Variants in DPP6 observed in about 807,000 individuals in gnomAD.
DPP6 encodes A-type potassium channel modulatory protein DPP6.
DPP6 carries 69 observed loss-of-function variants against 122.6 expected under a neutral mutation model. The ratio of observed to expected loss-of-function variants is 0.56; its 90% CI spans 0.46 to 0.69. The LOEUF (loss-of-function observed/expected upper bound fraction) is 0.69. Among genes scored for constraint, DPP6 ranks in the 30% least tolerant of loss-of-function variants. The pLI is 0.00. For synonymous variants in DPP6, 418 were observed against 433.1 expected, an observed-to-expected ratio of 0.97 and a Z score of 0.43; for missense variants, 928 against 1,116.9, an observed-to-expected ratio of 0.83 and a Z score of 2.41.
At chr7:154,144,538 A>G (rs1795998099) in intron 1 of DPP6, among the ~76,000 whole-genome samples, 1 of 151,136 alleles carries the variant, frequency 6.6e-6, no homozygotes, top group Non-Finnish European at 1.5e-5. Context: ...AACTATGACA[A>G]TGCCATTTAC....
chr7:154,787,748 T>G (rs1797423334), intron 10 of DPP6, among the ~76,000 whole-genome samples: 1 of 152,250 alleles, frequency 6.6e-6, no homozygotes, highest in Non-Finnish European at 1.5e-5. Flanking sequence ...GGGTATGGTC[T>G]CTGCCATTAT....
At chr7:154,645,333 G>A (rs371451787) in intron 6 of DPP6, among the ~76,000 whole-genome samples, 1 of 152,062 alleles carries the variant, frequency 6.6e-6, no homozygotes, top group African/African-American at 2.4e-5. Flanking sequence ...CCAAAGTGCT[G>A]GGATTACAGG....
chr7:153,912,667 C>T (rs1333635011), intron 1 of DPP6, among the ~76,000 whole-genome samples: 2 of 152,152 alleles, frequency 1.3e-5, no homozygotes, highest in African/African-American at 2.4e-5. Flanking sequence ...CAATCTTCCT[C>T]ATGTTGAAAT....
At chr7:154,640,661 G>GCC in intron 6 of DPP6, among the ~76,000 whole-genome samples, 1 of 152,320 alleles carries the variant, frequency 6.6e-6, no homozygotes, top group Non-Finnish European at 1.5e-5. Context: ...TCACCGGTGT[G>GCC]CGTGCTCCAC....
chr7:154,677,331 C>T (rs1187039767), intron 7 of DPP6, among the ~76,000 whole-genome samples: 1 of 152,110 alleles, frequency 6.6e-6, no homozygotes, highest in Non-Finnish European at 1.5e-5. Context: ...CTCCCAGAAC[C>T]GTGTCTTGAC....
chr7:154,127,676 CAA>C lies in DPP6; in HGVS notation c.243+74616_243+74617del, dbSNP rs869209129. Among the ~76,000 whole-genome samples, 32 of 147,276 alleles carry C rather than the reference CAA, an allele frequency of 2.2e-4. No homozygotes were observed. In the Middle Eastern group the frequency reaches 0.014, roughly 67 times the overall value. On this transcript the variant is annotated intron_variant, in intron 1 of 25. Transcript: ENST00000377770. ...AGACACACACACACACACACACACA[CAA>C]AACAGCTCTTTCTGAGGTTGGGAAG...
intron 1 of DPP6, among the ~76,000 whole-genome samples, chr7:154,406,424 C>T (rs201102888): frequency 0.012 from 649 of 55,714 alleles, 5 homozygotes; most frequent in African/African-American, 0.027. Flanking sequence ...GATGCACACA[C>T]GCATGCACAC....
rs1461696989 is a variant in DPP6 at position 154,060,465 on chromosome 7, T to C, written c.243+7402T>C. On this transcript the variant is annotated intron_variant, in intron 1 of 25. Coordinates refer to ENST00000377770, the MANE Select transcript of DPP6 (RefSeq NM_130797.4). The stretch of plus-strand genomic sequence containing the variant: ...TGCGAGCCAGACCCTCTTCCCCCTC[T>C]GGCTTAGGACCTCCATCGTTGATCC... 9.1e-3 allele frequency among the ~76,000 whole-genome samples: 1,138 copies of C among 125,690 alleles called. 161 individuals are homozygous for C. The highest frequency in any genetic ancestry group is 0.035 in the African/African-American group (1,030 of 29,626). The allele number at this position is 125,690 out of a possible 152,430, so 82.5% of individuals were successfully genotyped here. A position where few individuals can be genotyped will look rare whatever the true frequency, so the allele number is the denominator to read the frequency against.
intron 1 of DPP6, among the ~76,000 whole-genome samples, chr7:154,089,810 C>T (rs1015052948): frequency 1.1e-4 from 17 of 151,574 alleles, no homozygotes; most frequent in African/African-American, 4.1e-4. Context: ...AGTTACAGAG[C>T]GAGACTTTAA....
intron 1 of DPP6, among the ~76,000 whole-genome samples, chr7:154,269,572 T>C (rs1476043603): frequency 2.0e-5 from 3 of 152,192 alleles, no homozygotes; most frequent in Non-Finnish European, 4.4e-5. Context: ...TATTTGACAA[T>C]TGATTTGCTG....
chr7:154,534,207 A>C (rs572461266), intron 3 of DPP6, among the ~76,000 whole-genome samples: 50 of 152,254 alleles, frequency 3.3e-4, no homozygotes, highest in Non-Finnish European at 6.3e-4. Context: ...AAATCTTTCA[A>C]CATCCTAAGA....
intron 16 of DPP6, among the ~76,000 whole-genome samples, chr7:154,827,750 A>G (rs1180127669): frequency 3.3e-5 from 3 of 92,088 alleles, no homozygotes. Flanking sequence ...GTCGGAGCCC[A>G]AGTGGAGTGA....
At chr7:154,690,691 C>G (rs941260669) in intron 7 of DPP6, among the ~76,000 whole-genome samples, 1 of 152,118 alleles carries the variant, frequency 6.6e-6, no homozygotes, top group Admixed American at 6.6e-5. Flanking sequence ...CTGGACACAC[C>G]CTACAGAAAG....
intron 4 of DPP6, among the ~76,000 whole-genome samples, chr7:154,544,182 C>T (rs1828977566): frequency 6.8e-6 from 1 of 147,268 alleles, no homozygotes; most frequent in South Asian, 2.1e-4. Flanking sequence ...GGGCTATTTC[C>T]TGATCCTTAT....
chr7:154,446,302 T>G lies in DPP6; in HGVS notation c.332T>G (p.Val111Gly). 2 of 1,612,144 alleles carry G rather than the reference T, an allele frequency of 1.2e-6. No individual in the cohort carries two copies. The highest frequency in any genetic ancestry group is 1.7e-6 in the Non-Finnish European group (2 of 1,178,884). The part of the protein sequence containing the change: ...LVILVICSLI[V>G]TSVILLTPAE... ...ATTCTGGTCATCTGCTCCTTGATCG[T>G]CACCTCGGTCATACTTCTGACACCA... Residue 111 changes from valine (V) to glycine (G), a missense_variant, in exon 2 of 26, where the codon GTC (valine) becomes GGC (glycine). Transcript: ENST00000377770.
chr7:154,133,396 T>C (rs1033971722), intron 1 of DPP6, among the ~76,000 whole-genome samples: 1 of 152,172 alleles, frequency 6.6e-6, no homozygotes, highest in Non-Finnish European at 1.5e-5. Flanking sequence ...CTCTGTTCTT[T>C]GTTCATCCTT....
At chr7:154,187,924 G>A (rs1235993670) in intron 1 of DPP6, among the ~76,000 whole-genome samples, 1 of 152,110 alleles carries the variant, frequency 6.6e-6, no homozygotes, top group Non-Finnish European at 1.5e-5. Flanking sequence ...ATCAATACAT[G>A]CTCAATAAAG....
intron 1 of DPP6, among the ~76,000 whole-genome samples, chr7:154,000,337 G>A (rs537106430): frequency 8.5e-4 from 129 of 152,312 alleles, no homozygotes; most frequent in Non-Finnish European, 1.6e-3. Flanking sequence ...AGCTCATTGC[G>A]GATTGGGGGC....
the DPP6 span, among the ~76,000 whole-genome samples, chr7:153,831,318 T>A: frequency 6.6e-6 from 1 of 152,178 alleles, no homozygotes; most frequent in African/African-American, 2.4e-5. Flanking sequence ...ACGTTTTCTA[T>A]GACCTATAAA....
Sources: allele counts gnomAD v4.1 joint callset (sites outside exome capture counted in the v4.1 genomes callset), GRCh38; gene constraint gnomAD v4.1.1; transcripts MANE v1.5; gene names NCBI Gene and HGNC (gene_info 2026-07-23, HGNC 2026-07-21).